Variants in TPCN1 observed in about 807,000 individuals in gnomAD.
The protein encoded by TPCN1 is two pore segment channel 1.
In TPCN1, 52 loss-of-function variants were observed where a neutral mutation model predicts 108.8. That is an observed-to-expected ratio of 0.48 (90% confidence interval 0.38 to 0.60). The LOEUF is 0.60. Among genes scored for constraint, TPCN1 ranks in the 20% least tolerant of loss-of-function variants. The pLI, the probability that TPCN1 is intolerant of heterozygous loss-of-function variation, is 0.00. For missense variants in TPCN1, 806 were observed against 1,072.8 expected (o/e 0.75, Z 3.47); for synonymous variants, 446 against 433.7 (o/e 1.03, Z -0.35).
intron 3 of TPCN1, among the ~76,000 whole-genome samples, chr12:113,264,860 A>G (rs1955191151): frequency 1.3e-5 from 2 of 151,946 alleles, no homozygotes; most frequent in Admixed American, 1.3e-4. Context: ...TTTTTTGGAG[A>G]CGGGGCCCAG....
At chr12:113,275,918 G>A (rs1056152338) in intron 10 of TPCN1, among the ~76,000 whole-genome samples, 7 of 152,228 alleles carry the variant, frequency 4.6e-5, no homozygotes, top group Non-Finnish European at 1.0e-4. Flanking sequence ...GAAGAAATAT[G>A]TTGAGTACTT....
intron 2 of TPCN1, among the ~76,000 whole-genome samples, chr12:113,250,454 C>T (rs1268338004): frequency 6.6e-6 from 1 of 152,210 alleles, no homozygotes; most frequent in Non-Finnish European, 1.5e-5. Flanking sequence ...AGCTGTGGAG[C>T]CTCTTTTTGA....
intron 2 of TPCN1, chr12:113,244,619 A>G: frequency 1.0e-6 from 1 of 985,252 alleles, no homozygotes; most frequent in African/African-American, 1.7e-5. Flanking sequence ...ACTCTGGTTT[A>G]TTTTCCTCTC....
Position 113,268,771 on chromosome 12 carries a change from G to A in TPCN1, c.558G>A (p.Glu186=), listed in dbSNP as rs762862010. The part of the protein sequence containing the change: ...KTSVLVVQFV[E]AIVVLVRQMS... ...CGGTGCTGGTGGTGCAGTTTGTCGA[G>A]GCCATCGTGGTGTTGGTACGGCAGA... is the stretch of plus-strand genomic sequence containing the variant. The change falls in exon 6 of 28, where the codon GAG becomes GAA. Residue 186 remains glutamate, a synonymous_variant. Coordinates refer to ENST00000335509, the MANE Select transcript of TPCN1 (RefSeq NM_017901.6). The surrounding 1 kb of genome is among the most constrained non-coding windows in gnomAD (Gnocchi z 7.3). 4 of 1,613,962 alleles carry A rather than the reference G, an allele frequency of 2.5e-6. No individual in the cohort carries two copies. Among genetic ancestry groups the A allele is most frequent in the Non-Finnish European group, 3.4e-6 (4 of 1,180,016 alleles).
At chr12:113,281,036 T>TA in intron 15 of TPCN1, among the ~76,000 whole-genome samples, 1 of 152,168 alleles carries the variant, frequency 6.6e-6, no homozygotes, top group East Asian at 1.9e-4. Context: ...TCATCAATCT[T>TA]ACACGTCTAG....
chr12:113,284,556 T>C lies in TPCN1; in HGVS notation c.1343-25T>C. ...TCTAAGCCCCCCTGTTATTTCTCTG[T>C]CTTTTACGGGCCTGTGTATTTCAGA... On this transcript the variant is annotated intron_variant, in intron 15 of 27. Transcript: ENST00000335509. This position sits in a 1 kb window ranked among gnomAD's most constrained non-coding sequence, Gnocchi z 4.1. The C allele has an allele frequency of 6.2e-7, 1 of 1,613,894 alleles. No individual in the cohort carries two copies. Among genetic ancestry groups the C allele is most frequent in the African/African-American group, 1.3e-5 (1 of 75,034 alleles).
In TPCN1 at chr12:113,291,991, T is replaced by C. The variant is rs1206860148; in HGVS notation, c.2113+33T>C. ...CAGGGATGATGCCTTGGGCATTTGA[T>C]ATCTGCCGCCTACCCAGCTCTGTCT... is the stretch of plus-strand genomic sequence containing the variant. On this transcript the variant is annotated intron_variant, in intron 25 of 27. Transcript: ENST00000335509. 4 of 1,586,416 alleles carry C rather than the reference T, an allele frequency of 2.5e-6. No individual in the cohort carries two copies. In the Admixed American group the frequency reaches 5.0e-5, roughly 20 times the overall value.
At chr12:113,274,388 C>T (rs1955605139) in intron 10 of TPCN1, among the ~76,000 whole-genome samples, 1 of 151,912 alleles carries the variant, frequency 6.6e-6, no homozygotes, top group Non-Finnish European at 1.5e-5. Context: ...GTGGAGGTTG[C>T]TGTGAGCCGA....
rs1170924264 is a variant in TPCN1 at position 113,290,220 on chromosome 12, T to C, written c.1889T>C (p.Phe630Ser). ...GAAGGCTACTATTATCTCAATAATT[T>C]TGACAACATCCTCAACAGCTTTGGT... ...VEEGYYYLNN[F>S]DNILNSFVTL... The change falls in exon 22 of 28, where the codon TTT (phenylalanine) becomes TCT (serine). Residue 630 changes from phenylalanine to serine, a missense_variant. By Grantham distance (155) the Phe-to-Ser change is radical. Transcript: ENST00000335509. The C allele has an allele frequency of 6.2e-7, 1 of 1,603,734 alleles. No homozygotes were observed. Among genetic ancestry groups the C allele is most frequent in the Non-Finnish European group, 8.5e-7 (1 of 1,174,234 alleles).
rs756629262 is a variant in TPCN1 at position 113,284,698 on chromosome 12, G to C, written c.1400-20G>C. On this transcript the variant is annotated intron_variant, in intron 16 of 27. Coordinates refer to ENST00000335509, the MANE Select transcript of TPCN1 (RefSeq NM_017901.6). The surrounding 1 kb of genome is among the most constrained non-coding windows in gnomAD (Gnocchi z 4.1). ...GGCACACCTGGCTTACCTGTGAGCT[G>C]CTACTTCTCTGTCTTACAGGTGGGA... 1.6e-5 allele frequency: 26 copies of C among 1,614,120 alleles called. No homozygotes were observed. Among genetic ancestry groups the C allele is most frequent in the Non-Finnish European group, 1.3e-5 (15 of 1,180,048 alleles).
At position 113,288,352 on chromosome 12, in the gene TPCN1, G is replaced by A. The variant is rs748215058; in HGVS notation, c.1706+118G>A. ...GTTCCACAAAGGACTGCAATCGAGG[G>A]CCTGACGGGGCTCCAAGGAGCCTGG... On this transcript the variant is annotated intron_variant, in intron 20 of 27. Transcript: ENST00000335509. This position sits in a 1 kb window ranked among gnomAD's most constrained non-coding sequence, Gnocchi z 4.8. The A allele has an allele frequency of 3.9e-6, 6 of 1,529,580 alleles. No homozygotes were observed. The highest frequency in any genetic ancestry group is 5.3e-6 in the Non-Finnish European group (6 of 1,140,480). 94.8% of individuals were successfully genotyped at this position (1,529,580 alleles called of 1,614,324 possible). A position where few individuals can be genotyped will look rare whatever the true frequency, so the allele number is the denominator to read the frequency against.
At chr12:113,274,250 C>T (rs979224755) in intron 10 of TPCN1, among the ~76,000 whole-genome samples, 3 of 152,054 alleles carry the variant, frequency 2.0e-5, no homozygotes, top group Admixed American at 6.6e-5. Context: ...GTCAGGAGTT[C>T]GAGACCAGCC....
intron 2 of TPCN1, among the ~76,000 whole-genome samples, chr12:113,246,405 G>T (rs1022108178): frequency 1.3e-5 from 2 of 152,208 alleles, no homozygotes; most frequent in African/African-American, 4.8e-5. Context: ...TTCCCCAGAG[G>T]CCCAGAACAG....
At chr12:113,277,615 G>C (rs1473558346) in intron 12 of TPCN1, among the ~76,000 whole-genome samples, 2 of 152,216 alleles carry the variant, frequency 1.3e-5, no homozygotes, top group Non-Finnish European at 2.9e-5. Context: ...GACTGGCCCA[G>C]CTGCTGGCCC....
intron 2 of TPCN1, among the ~76,000 whole-genome samples, chr12:113,236,949 A>G (rs1204544114): frequency 6.6e-6 from 1 of 152,180 alleles, no homozygotes; most frequent in South Asian, 2.1e-4. Flanking sequence ...GATGTCAGCC[A>G]TTATAATTAG....
At chr12:113,246,445 A>C (rs2136503814) in intron 2 of TPCN1, among the ~76,000 whole-genome samples, 1 of 152,342 alleles carries the variant, frequency 6.6e-6, no homozygotes, top group East Asian at 1.9e-4. Context: ...CCTGGTTGCC[A>C]AGAGTGTTCC....
chr12:113,281,025 T>G (rs1177756858), intron 15 of TPCN1, among the ~76,000 whole-genome samples: 56 of 152,188 alleles, frequency 3.7e-4, no homozygotes, highest in African/African-American at 1.3e-3. Flanking sequence ...TAAGACTGAT[T>G]TCATCAATCT....
In TPCN1 at chr12:113,289,974, G is replaced by A. The variant is rs187020892; in HGVS notation, c.1797-154G>A. ...AGGGCATTCCTTCAGCAGGGACCCA[G>A]GCATGAGGTGGAGAGGGTTAGGCAG... is the stretch of plus-strand genomic sequence containing the variant. On this transcript the variant is annotated intron_variant, in intron 21 of 27. Coordinates refer to ENST00000335509, the MANE Select transcript of TPCN1 (RefSeq NM_017901.6). The surrounding 1 kb of genome is among the most constrained non-coding windows in gnomAD (Gnocchi z 4.1). 479 of 580,674 alleles carry A rather than the reference G, an allele frequency of 8.2e-4. 3 individuals carry two copies. The highest frequency in any genetic ancestry group is 1.2e-4 in the Non-Finnish European group (40 of 326,592). 36.0% of individuals were successfully genotyped at this position (580,674 alleles called of 1,614,324 possible). A position where few individuals can be genotyped will look rare whatever the true frequency, so the allele number is the denominator to read the frequency against.
At position 113,296,042 on chromosome 12, in the gene TPCN1, C is replaced by T; in HGVS notation, c.2417C>T (p.Pro806Leu). ...SSAAPAAQQPPGSRQRSQTVT is the reference protein window; with the variant it reads ...SSAAPAAQQPLGSRQRSQTVT Reference sequence around the variant, plus strand: ...GCAGCCCCCGCCGCCCAGCAGCCCCCAGGCAGCCGCCAGCGCTCCCAGACC... The same window carrying T: ...GCAGCCCCCGCCGCCCAGCAGCCCCTAGGCAGCCGCCAGCGCTCCCAGACC... Residue 806 changes from proline (P) to leucine (L), a missense_variant, in exon 28 of 28, where the codon CCA (proline) becomes CTA (leucine). Physicochemically the swap from Pro to Leu is moderately conservative, Grantham distance 98. Transcript: ENST00000335509. The T allele has an allele frequency of 6.2e-7, 1 of 1,613,300 alleles. No individual in the cohort carries two copies. Among genetic ancestry groups the T allele is most frequent in the South Asian group, 1.1e-5 (1 of 91,046 alleles).
Sources: allele counts gnomAD v4.1 joint callset (sites outside exome capture counted in the v4.1 genomes callset), GRCh38; gene constraint gnomAD v4.1.1; non-coding constraint Gnocchi (gnomAD v3.1); transcripts MANE v1.5; gene names NCBI Gene and HGNC (gene_info 2026-07-23, HGNC 2026-07-21).